Variants in RYR2 observed in about 807,000 individuals in gnomAD.
The protein encoded by RYR2 is cardiac muscle ryanodine receptor-calcium release channel.
A neutral mutation model predicts 601.1 loss-of-function variants in RYR2; 227 were observed. The ratio of observed to expected loss-of-function variants is 0.38; its 90% CI spans 0.34 to 0.42. RYR2 has a LOEUF of 0.42. Among genes scored for constraint, RYR2 ranks in the 10% least tolerant of loss-of-function variants. The pLI is 1.00. For synonymous variants in RYR2, 2,223 were observed against 2,175.1 expected (o/e 1.02, Z -0.61); for missense variants, 4,646 against 6,156.5 (o/e 0.75, Z 8.21).
chr1:237,692,540 G>A (rs768240117), intron 63 of RYR2, among the ~76,000 whole-genome samples: 83 of 152,068 alleles, frequency 5.5e-4, no homozygotes, highest in Non-Finnish European at 9.8e-4. Flanking sequence ...GGGCCACTCC[G>A]TCCTCGTGTC....
chr1:237,157,131 A>T (rs1675448849), intron 1 of RYR2, among the ~76,000 whole-genome samples: 1 of 151,912 alleles, frequency 6.6e-6, no homozygotes, highest in South Asian at 2.1e-4. Context: ...CCCCATCTCT[A>T]CTGAAAATAC....
At chr1:237,605,795 C>T (rs1197450484) in intron 35 of RYR2, among the ~76,000 whole-genome samples, 2 of 152,082 alleles carry the variant, frequency 1.3e-5, no homozygotes, top group African/African-American at 4.8e-5. Flanking sequence ...AGAGCCAAAT[C>T]ATGAGTGAAC....
intron 34 of RYR2, among the ~76,000 whole-genome samples, chr1:237,597,939 C>T (rs1464656998): frequency 6.6e-6 from 1 of 152,124 alleles, no homozygotes; most frequent in Non-Finnish European, 1.5e-5. Flanking sequence ...TAGAGATTCA[C>T]TTCACCTTTA....
At chr1:237,075,543 C>G (rs778420951) in intron 1 of RYR2, among the ~76,000 whole-genome samples, 1 of 97,564 alleles carries the variant, frequency 1.0e-5, no homozygotes, top group Non-Finnish European at 2.1e-5. Flanking sequence ...GGGTCACTCC[C>G]ACCCGAATAT....
At chr1:237,364,437 ATATG>A (rs1347264768) in intron 5 of RYR2, 65 bp downstream of exon 5, 18 of 872,630 alleles carry the variant, frequency 2.1e-5, no homozygotes, top group African/African-American at 3.5e-5. Flanking sequence ...TATGGATTAT[ATATG>A]TATGTATCTG....
chr1:237,787,506 C>T (rs936515863), intron 91 of RYR2, among the ~76,000 whole-genome samples: 2 of 149,570 alleles, frequency 1.3e-5, no homozygotes, highest in Non-Finnish European at 3.0e-5. Flanking sequence ...GCAGGAGAAT[C>T]ACTTGAACCC....
chr1:237,125,951 C>A (rs1394194815), intron 1 of RYR2, among the ~76,000 whole-genome samples: 1 of 152,174 alleles, frequency 6.6e-6, no homozygotes, highest in Admixed American at 6.5e-5. Context: ...ATGTACAAAA[C>A]TGAGGCCGGG....
chr1:237,136,882 C>T (rs758531362), intron 1 of RYR2, among the ~76,000 whole-genome samples: 31 of 151,534 alleles, frequency 2.0e-4, no homozygotes, highest in South Asian at 6.3e-4. Context: ...CTGGGCATGG[C>T]GGCGAGTACC....
intron 10 of RYR2, among the ~76,000 whole-genome samples, chr1:237,414,058 A>T (rs551057292): frequency 1.2e-4 from 19 of 152,286 alleles, no homozygotes; most frequent in African/African-American, 4.6e-4. Flanking sequence ...ATGATCAGAA[A>T]ATACGATGAG....
At chr1:237,770,165 G>A (rs1050789287) in intron 84 of RYR2, among the ~76,000 whole-genome samples, 2 of 152,050 alleles carry the variant, frequency 1.3e-5, no homozygotes, top group Non-Finnish European at 2.9e-5. Flanking sequence ...TAGAATTAAG[G>A]TTGTTTGCCA....
At position 237,521,905 on chromosome 1, in the gene RYR2, G is replaced by A. The variant is rs1667125172; in HGVS notation, c.2823-8522G>A. 2.0e-5 allele frequency among the ~76,000 whole-genome samples: 3 copies of A among 151,986 alleles called. No homozygotes were observed. The South Asian group carries it at 6.2e-4, about 32-fold the overall frequency. ...CTTGCTTGCAGTCACACTGACCTTT[G>A]TGTTGCTTGCCTGTCCACACATTCC... is the stretch of plus-strand genomic sequence containing the variant. On this transcript the variant is annotated intron_variant, in intron 24 of 104. Transcript: ENST00000366574.
chr1:237,688,431 C>A, intron 63 of RYR2, among the ~76,000 whole-genome samples: 1 of 151,990 alleles, frequency 6.6e-6, no homozygotes, highest in East Asian at 1.9e-4. Flanking sequence ...TATATACACA[C>A]ACACACATAT....
At chr1:237,805,580 CAAAAAAAAAAA>C (rs772404939) in intron 98 of RYR2, among the ~76,000 whole-genome samples, 6 of 37,684 alleles carry the variant, frequency 1.6e-4, no homozygotes, top group Admixed American at 4.4e-4. Flanking sequence ...GACTCTGTCT[CAAAAAAAAAAA>C]AAAAAAAAAA....
intron 29 of RYR2, among the ~76,000 whole-genome samples, chr1:237,588,962 CA>C (rs1261787897): frequency 1.3e-5 from 2 of 151,888 alleles, no homozygotes; most frequent in African/African-American, 2.4e-5. Flanking sequence ...CCAAAGAGCT[CA>C]AAAAAACAAT....
intron 12 of RYR2, among the ~76,000 whole-genome samples, chr1:237,431,699 A>G (rs1706819737): frequency 1.3e-5 from 2 of 152,128 alleles, no homozygotes; most frequent in Admixed American, 1.3e-4. Context: ...TGGTCTAAAA[A>G]TGTGAAGATT....
Position 237,079,815 on chromosome 1 carries a change from T to G in RYR2, c.48+37246T>G, listed in dbSNP as rs201014562. Among the ~76,000 whole-genome samples the G allele has an allele frequency of 1.7e-3, 240 of 138,858 alleles. 3 individuals are homozygous for G. The highest frequency in any genetic ancestry group is 2.9e-3 in the Admixed American group (41 of 14,330). The allele number at this position is 138,858 out of a possible 152,430, so 91.1% of individuals were successfully genotyped here. On this transcript the variant is annotated intron_variant, in intron 1 of 104. Transcript: ENST00000366574. ...CATGGAACCAAAAAAGAGCCCGCAT[T>G]GCCAAGTCAATCCTAAGCCAAAAGA...
intron 60 of RYR2, among the ~76,000 whole-genome samples, chr1:237,676,667 C>T (rs1292045241): frequency 6.6e-6 from 1 of 152,112 alleles, no homozygotes; most frequent in Non-Finnish European, 1.5e-5. Flanking sequence ...TTGCCTTCTC[C>T]CTTTATCCTT....
chr1:237,683,415 G>A (rs1001098891), intron 62 of RYR2, among the ~76,000 whole-genome samples: 4 of 152,170 alleles, frequency 2.6e-5, no homozygotes, highest in African/African-American at 9.7e-5. Context: ...TATAGCCCTA[G>A]TGAAAGCCAG....
intron 1 of RYR2, among the ~76,000 whole-genome samples, chr1:237,194,846 G>A (rs975984359): frequency 4.6e-5 from 7 of 152,170 alleles, no homozygotes; most frequent in African/African-American, 1.7e-4. Context: ...CTAGAAAGGT[G>A]GCTGAAGAAT....
Sources: gnomAD v4.1 joint callset for allele counts (sites outside exome capture counted in the v4.1 genomes callset) on GRCh38, gnomAD v4.1.1 for gene constraint, MANE v1.5 for transcripts, NCBI Gene and HGNC (gene_info 2026-07-23, HGNC 2026-07-21) for gene names.